TBCK: variants seen among roughly 807,000 people sequenced by gnomAD.
TBCK encodes the protein TBC domain-containing protein kinase-like protein.
A neutral mutation model predicts 113.4 loss-of-function variants in TBCK; 99 were observed. The ratio of observed to expected loss-of-function variants is 0.87; its 90% CI spans 0.74 to 1.03. The LOEUF is 1.03. Ranked by LOEUF, TBCK falls within the 50% of genes least tolerant of loss-of-function variation. TBCK has a pLI of 0.00. For missense variants in TBCK, 1,045 were observed against 1,061.3 expected (o/e 0.98, Z 0.21); for synonymous variants, 369 against 370.8 (o/e 1.00, Z 0.05).
intron 11 of TBCK, 29 bp from the exon 12 acceptor site, chr4:106,242,598 T>G: frequency 1.5e-4 from 205 of 1,358,156 alleles, no homozygotes; most frequent in Non-Finnish European, 1.9e-4. Flanking sequence ...AAATAATATG[T>G]ACACAAAATC....
At chr4:106,133,214 A>C (rs1020283423) in intron 23 of TBCK, among the ~76,000 whole-genome samples, 40 of 152,264 alleles carry the variant, frequency 2.6e-4, no homozygotes, top group Admixed American at 2.4e-3. Flanking sequence ...GGTGGAAATA[A>C]TTGAATCATG....
intron 23 of TBCK, among the ~76,000 whole-genome samples, chr4:106,159,871 G>A (rs10008428): frequency 1.3e-5 from 2 of 151,732 alleles, no homozygotes; most frequent in South Asian, 2.1e-4. Context: ...CTTCCTGATT[G>A]CAAAATTTAT....
intron 4 of TBCK, 74 bp downstream of exon 4, chr4:106,262,024 C>T (rs1762553555): frequency 2.3e-5 from 16 of 682,640 alleles, no homozygotes; most frequent in Non-Finnish European, 3.5e-5. Flanking sequence ...GTTCCTCTGA[C>T]TGAGTAGCCC....
upstream of TBCK, chr4:106,316,571 G>C (rs77888521): frequency 6.4e-7 from 1 of 1,551,466 alleles, no homozygotes; most frequent in African/African-American, 1.4e-5. Context: ...TGGCTGTCTC[G>C]GAACCCGTGG....
chr4:106,316,360 G>C (rs1323813298), upstream of TBCK: 1 of 609,194 alleles, frequency 1.6e-6, no homozygotes, highest in Admixed American at 2.5e-5. Context: ...GGGGGACGGG[G>C]GGGGTCGATT....
At chr4:106,215,235 C>A (rs191463910) in intron 19 of TBCK, among the ~76,000 whole-genome samples, 5 of 152,096 alleles carry the variant, frequency 3.3e-5, no homozygotes, top group East Asian at 1.9e-4. Flanking sequence ...TGGAAAGGAA[C>A]AACCGGTACC....
chr4:106,176,882 T>C (rs541742525), intron 22 of TBCK, among the ~76,000 whole-genome samples: 5 of 152,088 alleles, frequency 3.3e-5, no homozygotes, highest in South Asian at 2.1e-4. Context: ...TAAAATTTCA[T>C]TGGGGTTTTG....
chr4:106,122,238 T>C (rs769463120), intron 23 of TBCK, among the ~76,000 whole-genome samples: 142 of 152,104 alleles, frequency 9.3e-4, no homozygotes, highest in Non-Finnish European at 1.8e-3. Flanking sequence ...CAGAGAATAC[T>C]ACAAACACCT....
chr4:106,175,358 ATT>A (rs34198925), intron 22 of TBCK, among the ~76,000 whole-genome samples: 208 of 137,242 alleles, frequency 1.5e-3, no homozygotes, highest in South Asian at 9.0e-3. Context: ...ATCAGATTGA[ATT>A]TTTTTTTTTT....
At chr4:106,162,158 C>T (rs1044947880) in intron 23 of TBCK, among the ~76,000 whole-genome samples, 5 of 152,132 alleles carry the variant, frequency 3.3e-5, no homozygotes, top group African/African-American at 4.8e-5. Flanking sequence ...AACAGGGCTA[C>T]AGGCCTCATG....
chr4:106,094,552 C>G (rs1189680287), intron 25 of TBCK, among the ~76,000 whole-genome samples: 1 of 151,918 alleles, frequency 6.6e-6, no homozygotes, highest in Non-Finnish European at 1.5e-5. Flanking sequence ...TTTCAGTGAC[C>G]ACATTTCAGG....
At chr4:106,218,901 C>T (rs1290949895) in intron 19 of TBCK, among the ~76,000 whole-genome samples, 1 of 150,578 alleles carries the variant, frequency 6.6e-6, no homozygotes, top group African/African-American at 2.4e-5. Flanking sequence ...AATCATGCTG[C>T]TATAAAGACA....
chr4:106,305,059 T>G lies in TBCK; in HGVS notation c.193+3709A>C, dbSNP rs1261431845. ...TGTGCCTATAGATTAAATCTGGGTT[T>G]GTTTGTTTTTTTCTCCTGTTAACCA... On this transcript the variant is annotated intron_variant, in intron 2 of 25. Coordinates refer to ENST00000394708, the MANE Select transcript of TBCK (RefSeq NM_001163435.3). Among the ~76,000 whole-genome samples the G allele has an allele frequency of 3.9e-5, 6 of 152,204 alleles. No individual in the cohort carries two copies. The East Asian group carries it at 9.6e-4, about 24-fold the overall frequency.
rs150221832 is a variant in TBCK at position 106,212,806 on chromosome 4, C to T, written c.1804G>A (p.Ala602Thr). 159 of 1,612,126 alleles carry T rather than the reference C, an allele frequency of 9.9e-5. No individual in the cohort carries two copies. The highest frequency in any genetic ancestry group is 3.3e-4 in the Middle Eastern group (2 of 6,076). ...TTACTCAGCTCTGGATCATGAAATG[C>T]AATCATCTGAGAGAAGACAGTCAGA... ...EYLTVFSQMI[A>T]FHDPELSNHL... Residue 602 changes from alanine to threonine, a missense_variant, in exon 20 of 26, where the codon GCA (alanine) becomes ACA (threonine). By Grantham distance (58) the Ala-to-Thr change is moderately conservative (BLOSUM62 0). Transcript: ENST00000394708.
chr4:106,114,559 C>T (rs1446392315), intron 24 of TBCK, among the ~76,000 whole-genome samples: 4 of 152,156 alleles, frequency 2.6e-5, no homozygotes, highest in Non-Finnish European at 2.9e-5. Context: ...GCACCCTGCT[C>T]GGGGTCTATA....
chr4:106,212,319 A>C (rs1358371014), intron 20 of TBCK, among the ~76,000 whole-genome samples: 1 of 152,128 alleles, frequency 6.6e-6, no homozygotes, highest in African/African-American at 2.4e-5. Flanking sequence ...TTGATTTTCA[A>C]CTCTGACTTT....
intron 24 of TBCK, 34 bp from the exon 25 acceptor site, chr4:106,095,675 G>A (rs1467503789): frequency 3.1e-6 from 5 of 1,600,930 alleles, no homozygotes; most frequent in African/African-American, 1.3e-5. Flanking sequence ...ACATTTATTT[G>A]TGTGCAATCC....
In TBCK at chr4:106,068,397, T is replaced by A. The variant is rs567937682; in HGVS notation, c.2572-21717A>T. ...ATTCCCACCTATGAGTGAGAACATG[T>A]GGTGTTTGGTTTGCAGTCCTTGTGA... On this transcript the variant is annotated intron_variant, in intron 25 of 25. Transcript: ENST00000394708. Among the ~76,000 whole-genome samples the A allele has an allele frequency of 2.1e-4, 32 of 152,034 alleles. 1 individual carries two copies. The South Asian group carries it at 6.7e-3, about 32-fold the overall frequency.
At chr4:106,296,889 C>A (rs1391651053) in intron 2 of TBCK, among the ~76,000 whole-genome samples, 1 of 152,064 alleles carries the variant, frequency 6.6e-6, no homozygotes, top group African/African-American at 2.4e-5. Context: ...AAGTTACTTA[C>A]TTAACAAAGA....
Sources: allele counts gnomAD v4.1 joint callset (sites outside exome capture counted in the v4.1 genomes callset), GRCh38; gene constraint gnomAD v4.1.1; transcripts MANE v1.5; gene names NCBI Gene and HGNC (gene_info 2026-07-23, HGNC 2026-07-21).